KRT8: variants seen among roughly 807,000 people sequenced by gnomAD.
KRT8 encodes keratin, type II cytoskeletal 8.
A neutral mutation model predicts 43.0 loss-of-function variants in KRT8; 24 were observed. The observed-to-expected ratio is 0.56, with a 90% CI of 0.40 to 0.78. The LOEUF (loss-of-function observed/expected upper bound fraction) is 0.78, where lower values mean the gene tolerates loss of function less well. KRT8 is among the 30% of genes least tolerant of loss of function. KRT8 has a pLI of 0.00. For missense variants in KRT8, 492 were observed against 638.4 expected (o/e 0.77, Z 2.47); for synonymous variants, 214 against 261.2 (o/e 0.82, Z 1.74).
At chr12:52,949,215 G>A (rs760023196) in intron 2 of KRT8, 12 of 1,611,664 alleles carry the variant, frequency 7.4e-6, no homozygotes, top group Non-Finnish European at 1.0e-5. Context: ...CCAACTACCG[G>A]TCCCTGGGCT....
intron 2 of KRT8, among the ~76,000 whole-genome samples, chr12:52,914,722 G>A (rs1941702146): frequency 6.6e-6 from 1 of 152,244 alleles, no homozygotes; most frequent in Non-Finnish European, 1.5e-5. Flanking sequence ...TTATAATTGA[G>A]AAGTTCAAGG....
At chr12:52,906,621 C>A, upstream of KRT8, 1 of 448,552 alleles carries the variant, frequency 2.2e-6, no homozygotes, top group Non-Finnish European at 4.5e-6. Flanking sequence ...TTTAGGTCCC[C>A]AAGGCAGAGA....
intron 2 of KRT8, among the ~76,000 whole-genome samples, chr12:52,937,834 TA>T (rs1453104915): frequency 1.3e-5 from 2 of 150,696 alleles, no homozygotes; most frequent in Non-Finnish European, 3.0e-5. Context: ...CTGTCTCTAC[TA>T]AAAATACAAA....
rs974819336 is a variant in KRT8 at position 52,898,066 on chromosome 12, G to A, written c.1261+395C>T. ...GTAGTCCCAGCTACTTGGGAGGCCT[G>A]AGGCAGGAGAATCTCTTGAACCCAG... On this transcript the variant is annotated intron_variant, in intron 7 of 7. Transcript: ENST00000692008. 3.7e-4 allele frequency among the ~76,000 whole-genome samples: 57 copies of A among 152,196 alleles called. 1 individual carries two copies. The highest frequency in any genetic ancestry group is 1.3e-3 in the African/African-American group (55 of 41,450).
At chr12:52,900,499 G>A (rs1163709097) in intron 4 of KRT8, 89 bp downstream of exon 4, 9 of 834,924 alleles carry the variant, frequency 1.1e-5, no homozygotes, top group Non-Finnish European at 1.9e-5. Context: ...TTAGTGTGCT[G>A]GGGGCTGGGA....
Position 52,897,538 on chromosome 12 carries a change from C to G in KRT8, c.1342G>C (p.Gly448Arg), listed in dbSNP as rs1333157379. The G allele has an allele frequency of 2.5e-6, 4 of 1,597,010 alleles. No homozygotes were observed. In the Admixed American group the frequency reaches 5.0e-5, roughly 20 times the overall value. The change falls in exon 8 of 8, where the codon GGC becomes CGC. Residue 448 changes from glycine to arginine, a missense_variant. Coordinates refer to ENST00000692008, the Ensembl canonical transcript of KRT8. ...CTGGTGCGGCTGAAGGAGCTGGAGC[C>G]CGCGCCAGAGCCAAAGCTGGAGCCC... is the stretch of plus-strand genomic sequence containing the variant.
intron 2 of KRT8, among the ~76,000 whole-genome samples, chr12:52,943,943 T>A (rs1942305240): frequency 1.3e-5 from 2 of 152,158 alleles, no homozygotes; most frequent in Admixed American, 6.5e-5. Context: ...GACTCAGTCT[T>A]AGCCACCCTG....
At chr12:52,901,325 G>C (rs4479068) in intron 2 of KRT8, 106 bp from the exon 3 acceptor site, 441,086 of 825,040 alleles carry the variant, frequency 0.53, 120,894 homozygotes, top group South Asian at 0.7. Context: ...TCAGTTCACA[G>C]AGATGCAGGA....
intron 2 of KRT8, among the ~76,000 whole-genome samples, chr12:52,917,640 T>A (rs1592173599): frequency 7.0e-6 from 1 of 143,664 alleles, no homozygotes; most frequent in African/African-American, 2.6e-5. Context: ...ACTCGGGAGG[T>A]GAAGTTTGCA....
At chr12:52,939,276 C>T (rs576987113) in intron 2 of KRT8, among the ~76,000 whole-genome samples, 57 of 151,206 alleles carry the variant, frequency 3.8e-4, no homozygotes, top group African/African-American at 7.0e-4. Context: ...GAGACTGAGG[C>T]GGGCAGATCA....
In KRT8 at chr12:52,940,153, C is replaced by T. The variant is rs116921530; in HGVS notation, c.-47+9303G>A. On this transcript the variant is annotated intron_variant, in intron 2 of 6. Coordinates refer to the KRT8 transcript ENST00000546826. ...CAGAGACAAAAAGCTACACACCAGG[C>T]CAGGCGTGGTGGCTCATGCCTGTAA... Among the ~76,000 whole-genome samples, 1,183 of 152,028 alleles carry T rather than the reference C, an allele frequency of 7.8e-3. 31 individuals are homozygous for T. Among genetic ancestry groups the T allele is most frequent in the Admixed American group, 0.053 (812 of 15,254 alleles).
chr12:52,917,477 G>A (rs997547989), intron 2 of KRT8, among the ~76,000 whole-genome samples: 3 of 152,000 alleles, frequency 2.0e-5, no homozygotes, highest in Non-Finnish European at 4.4e-5. Context: ...GGAGGCCGAG[G>A]GGGGCGGATC....
chr12:52,913,538 T>C (rs565731603), intron 2 of KRT8, among the ~76,000 whole-genome samples: 5 of 152,148 alleles, frequency 3.3e-5, no homozygotes, highest in Non-Finnish European at 7.3e-5. Flanking sequence ...AGCACACATG[T>C]TTGATGGGTT....
intron 2 of KRT8, among the ~76,000 whole-genome samples, chr12:52,940,677 G>A (rs1383480738): frequency 8.1e-5 from 12 of 148,954 alleles, no homozygotes; most frequent in Non-Finnish European, 1.6e-4. Context: ...CCAGGCTGGA[G>A]TGCAGTTGCG....
intron 2 of KRT8, among the ~76,000 whole-genome samples, chr12:52,938,016 G>T (rs1479326046): frequency 6.9e-6 from 1 of 143,976 alleles, no homozygotes; most frequent in Non-Finnish European, 1.5e-5. Flanking sequence ...AAAAAAAAAA[G>T]TTGCCAAAAA....
chr12:52,940,625 ATTTTT>A (rs71092795), intron 2 of KRT8, among the ~76,000 whole-genome samples: 1 of 127,560 alleles, frequency 7.8e-6, no homozygotes, highest in Admixed American at 7.9e-5. Flanking sequence ...AACACAGTGG[ATTTTT>A]TTTTTTTTTT....
Position 52,901,515 on chromosome 12 carries a change from C to T in KRT8, c.534-296G>A, listed in dbSNP as rs141152517. The T allele has an allele frequency of 4.2e-4, 231 of 550,248 alleles. 1 individual carries two copies. The East Asian group carries it at 7.1e-3, about 17-fold the overall frequency. The allele number at this position is 550,248 out of a possible 1,614,324, so 34.1% of individuals were successfully genotyped here. On this transcript the variant is annotated intron_variant, in intron 2 of 7. Coordinates refer to ENST00000692008, the Ensembl canonical transcript of KRT8. The stretch of plus-strand genomic sequence containing the variant: ...CTCAGACAGAACTTTCTAGAGTTTG[C>T]TAGAGGTCAAGGGTCAAGACTAAAG...
At chr12:52,948,985 C>T in intron 2 of KRT8, 1 of 496,638 alleles carries the variant, frequency 2.0e-6, no homozygotes. Flanking sequence ...GGGGTGGGGC[C>T]CGGGGCGGAG....
chr12:52,947,788 T>C (rs2120753359), intron 2 of KRT8: 1 of 142,306 alleles, frequency 7.0e-6, no homozygotes, highest in African/African-American at 2.7e-5. Flanking sequence ...TGACCTCAAG[T>C]GATCCACCCG....
Sources: gnomAD v4.1 joint callset for allele counts (sites outside exome capture counted in the v4.1 genomes callset) on GRCh38, gnomAD v4.1.1 for gene constraint, MANE v1.5 for transcripts, NCBI Gene and HGNC (gene_info 2026-07-23, HGNC 2026-07-21) for gene names.